The following MS4A4E variants were observed in gnomAD, a reference collection of about 807,000 sequenced individuals.
MS4A4E encodes membrane spanning 4-domains A4E.
MS4A4E carries 23 observed loss-of-function variants against 13.3 expected under a neutral mutation model. The observed-to-expected ratio is 1.73, with a 90% CI of 1.25 to 2.45. The LOEUF (loss-of-function observed/expected upper bound fraction) is 2.45, where lower values mean the gene tolerates loss of function less well. Ranked by LOEUF, MS4A4E falls within the 30% of genes most tolerant of loss-of-function variation. The pLI is 0.00. For missense variants in MS4A4E, 144 were observed against 131.2 expected, an observed-to-expected ratio of 1.10 and a Z score of -0.48; for synonymous variants, 36 against 45.6, an observed-to-expected ratio of 0.79 and a Z score of 0.85.
intron 5 of MS4A4E, among the ~76,000 whole-genome samples, chr11:60,211,060 T>G (rs2084114879): frequency 6.6e-6 from 1 of 152,236 alleles, no homozygotes; most frequent in African/African-American, 2.4e-5. Flanking sequence ...ATCAGCCCTA[T>G]GAACCTGGCC....
intron 3 of MS4A4E, among the ~76,000 whole-genome samples, chr11:60,228,283 A>C (rs2084367939): frequency 6.6e-6 from 1 of 152,230 alleles, no homozygotes; most frequent in African/African-American, 2.4e-5. Flanking sequence ...ATGTGTCAAA[A>C]ACTTTAATAA....
chr11:60,221,362 G>A (rs949806746), intron 3 of MS4A4E, among the ~76,000 whole-genome samples: 1 of 152,186 alleles, frequency 6.6e-6, no homozygotes, highest in South Asian at 2.1e-4. Context: ...ATGAGGAAGT[G>A]GCACAAATGC....
chr11:60,214,542 T>C, intron 4 of MS4A4E, 29 bp downstream of exon 4: 1 of 1,474,596 alleles, frequency 6.8e-7, no homozygotes. Context: ...ATCCTTTCCT[T>C]TTGATACCCC....
chr11:60,235,676 T>C (rs1254266283), intron 1 of MS4A4E, among the ~76,000 whole-genome samples: 1 of 152,232 alleles, frequency 6.6e-6, no homozygotes, highest in Non-Finnish European at 1.5e-5. Flanking sequence ...AGTTGGTAAA[T>C]GATCAAACTA....
At chr11:60,202,244 C>T (rs1399015377) in intron 8 of MS4A4E, among the ~76,000 whole-genome samples, 1 of 152,168 alleles carries the variant, frequency 6.6e-6, no homozygotes, top group Non-Finnish European at 1.5e-5. Flanking sequence ...GGACCTATCT[C>T]TTGAAGATTT....
At chr11:60,235,179 C>T (rs527410288) in intron 1 of MS4A4E, among the ~76,000 whole-genome samples, 9 of 152,102 alleles carry the variant, frequency 5.9e-5, no homozygotes, top group African/African-American at 1.9e-4. Flanking sequence ...AGTGCAGTGG[C>T]GTTATCATGA....
chr11:60,213,054 T>C lies in MS4A4E; in HGVS notation c.301A>G (p.Thr101Ala). ...SGILINAISLTFYSFRYHYCN... is the reference protein window; with the variant it reads ...SGILINAISLAFYSFRYHYCN... ...TAATGGTAACGGAATGAATAAAACG[T>C]CAAGCTTATTGCATTGATTAAGATC... Residue 101 changes from threonine to alanine, a missense_variant, in exon 5 of 9, where the codon ACG becomes GCG. Physicochemically the swap from Thr to Ala is moderately conservative, Grantham distance 58. Coordinates refer to ENST00000651255, the MANE Select transcript of MS4A4E (RefSeq NM_001393391.1). The C allele has an allele frequency of 2.1e-6, 1 of 479,246 alleles. No homozygotes were observed. The highest frequency in any genetic ancestry group is 3.7e-6 in the Non-Finnish European group (1 of 273,628). 29.7% of individuals were successfully genotyped at this position (479,246 alleles called of 1,614,324 possible).
rs1055337882 is a variant in MS4A4E at position 60,226,372 on chromosome 11, A to T, written c.178+2222T>A. 2.6e-5 allele frequency among the ~76,000 whole-genome samples: 4 copies of T among 152,068 alleles called. 1 individual carries two copies. Among genetic ancestry groups the T allele is most frequent in the Non-Finnish European group, 5.9e-5 (4 of 67,960 alleles). On this transcript the variant is annotated intron_variant, in intron 3 of 8. Coordinates refer to ENST00000651255, the MANE Select transcript of MS4A4E (RefSeq NM_001393391.1). ...AGACCAACATCTCTGGTGAACAAAG[A>T]TGCAAAAATTCCCAACAAAACATGT...
chr11:60,209,147 G>A (rs545722613), intron 5 of MS4A4E: 1 of 152,310 alleles, frequency 6.6e-6, no homozygotes, highest in East Asian at 1.9e-4. Flanking sequence ...ACCTCCCTGG[G>A]GGGACCATTG....
chr11:60,201,480 G>A lies in MS4A4E; in HGVS notation c.*63C>T, dbSNP rs1421836855. On this transcript the variant is annotated 3_prime_UTR_variant, in exon 9 of 9. Transcript: ENST00000651255. ...CTCCTCACCTCCCAGACGGGGTCGC[G>A]GCCGGGCAGAGGTGCTCCTCACATC... is the stretch of plus-strand genomic sequence containing the variant. 7 of 241,486 alleles carry A rather than the reference G, an allele frequency of 2.9e-5. No individual in the cohort carries two copies. The highest frequency in any genetic ancestry group is 1.7e-4 in the Admixed American group (3 of 18,070). 15.0% of individuals were successfully genotyped at this position (241,486 alleles called of 1,614,324 possible).
At chr11:60,234,777 AC>A (rs368312750) in intron 1 of MS4A4E, among the ~76,000 whole-genome samples, 7,767 of 111,924 alleles carry the variant, frequency 0.069, 282 homozygotes, top group African/African-American at 0.098. Flanking sequence ...TACAAAAACA[AC>A]CCCCCCCCCC....
rs547505034 is a variant in MS4A4E, at chr11:60,241,226, G to A, written c.-17+1732C>T. Reference sequence around the variant, plus strand: ...TTTTTAGTAGAGAAGGGATTTCACCGTGTTAGCCAGGATGGTCTCGATCCT... The same window carrying A: ...TTTTTAGTAGAGAAGGGATTTCACCATGTTAGCCAGGATGGTCTCGATCCT... On this transcript the variant is annotated intron_variant, in intron 1 of 8. Transcript: ENST00000651255. Among the ~76,000 whole-genome samples the A allele has an allele frequency of 4.6e-5, 7 of 152,188 alleles. No homozygotes were observed. The South Asian group carries it at 6.2e-4, about 14-fold the overall frequency.
intron 3 of MS4A4E, among the ~76,000 whole-genome samples, chr11:60,215,282 A>G (rs1455794653): frequency 6.6e-6 from 1 of 151,974 alleles, no homozygotes; most frequent in Non-Finnish European, 1.5e-5. Context: ...AGACATAGAG[A>G]TGATTCATGT....
rs200769146 is a variant in MS4A4E, at chr11:60,200,274, TTTTATTTATTTA to T, written c.*1257_*1268del. Reference sequence around the variant, plus strand: ...GGAAAAAAAATACTGGATAAATACTTTTTATTTATTTATTTATTTATTTATTTAATTTTTTAT... The same window carrying T: ...GGAAAAAAAATACTGGATAAATACTTTTTATTTATTTATTTAATTTTTTAT... On this transcript the variant is annotated 3_prime_UTR_variant, in exon 9 of 9. Coordinates refer to ENST00000651255, the MANE Select transcript of MS4A4E (RefSeq NM_001393391.1). Among the ~76,000 whole-genome samples the T allele has an allele frequency of 5.9e-5, 9 of 151,692 alleles. No individual in the cohort carries two copies. The highest frequency in any genetic ancestry group is 3.8e-4 in the East Asian group (2 of 5,202).
intron 3 of MS4A4E, among the ~76,000 whole-genome samples, chr11:60,227,889 C>A (rs752766866): frequency 6.6e-6 from 1 of 151,928 alleles, no homozygotes; most frequent in African/African-American, 2.4e-5. Flanking sequence ...AAAACTGGAC[C>A]TCCATAGGCA....
At chr11:60,241,320 G>T (rs563066153) in intron 1 of MS4A4E, among the ~76,000 whole-genome samples, 1 of 152,046 alleles carries the variant, frequency 6.6e-6, no homozygotes, top group Non-Finnish European at 1.5e-5. Context: ...CACCGCACCC[G>T]GCCTATTCTT....
At chr11:60,222,167 G>A (rs2084277546) in intron 3 of MS4A4E, among the ~76,000 whole-genome samples, 1 of 152,190 alleles carries the variant, frequency 6.6e-6, no homozygotes, top group Admixed American at 6.5e-5. Flanking sequence ...ATCACGGAAA[G>A]GGCAGCGGTT....
intron 1 of MS4A4E, among the ~76,000 whole-genome samples, chr11:60,241,310 C>T (rs2134979582): frequency 6.6e-6 from 1 of 152,318 alleles, no homozygotes; most frequent in African/African-American, 2.4e-5. Context: ...AGGCGTGAGC[C>T]ACCGCACCCG....
Position 60,201,564 on chromosome 11 carries a change from G to A in MS4A4E, c.975C>T (p.Ser325=), listed in dbSNP as rs941124899. 3.8e-5 allele frequency: 12 copies of A among 317,504 alleles called. No individual in the cohort carries two copies. The highest frequency in any genetic ancestry group is 4.6e-5 in the African/African-American group (2 of 43,202). The allele number at this position is 317,504 out of a possible 1,614,324, so 19.7% of individuals were successfully genotyped here. The change falls in exon 9 of 9, where the codon TCC becomes TCT. Residue 325 remains serine (S), a synonymous_variant. Transcript: ENST00000651255. Reference sequence around the variant, plus strand: ...CATCTCAGAAGATGGGCGGCCGGGCGGAGACACTCCTCACCTCCCAGATGG... The same window carrying A: ...CATCTCAGAAGATGGGCGGCCGGGCAGAGACACTCCTCACCTCCCAGATGG... ...HHPIWEVRSV[S]ARPPIF
Sources: gnomAD v4.1 joint callset for allele counts (sites outside exome capture counted in the v4.1 genomes callset) on GRCh38, gnomAD v4.1.1 for gene constraint, MANE v1.5 for transcripts, NCBI Gene and HGNC (gene_info 2026-07-23, HGNC 2026-07-21) for gene names.